MTRR: variants seen among roughly 807,000 people sequenced by gnomAD.
The protein encoded by MTRR is 5-methyltetrahydrofolate-homocysteine methyltransferase reductase.
Under a neutral mutation model 79.2 loss-of-function variants are expected in MTRR, and 63 were observed. That is an observed-to-expected ratio of 0.80 (90% CI 0.65 to 0.98). The LOEUF is 0.98. MTRR is among the 50% of genes least tolerant of loss of function. MTRR has a pLI of 0.00. For missense variants in MTRR, 895 were observed against 839.6 expected (o/e 1.07, Z -0.82); for synonymous variants, 355 against 313.3 (o/e 1.13, Z -1.41).
chr5:7,863,763 A>C (rs879837306), intron 2 of MTRR, among the ~76,000 whole-genome samples: 3 of 152,224 alleles, frequency 2.0e-5, no homozygotes, highest in Non-Finnish European at 2.9e-5. Context: ...AATAAATTCC[A>C]GGTGTACAAC....
rs151170495 is a variant in MTRR at position 7,878,185 on chromosome 5, A to C, written c.643A>C (p.Asn215His). 13 of 1,614,114 alleles carry C rather than the reference A, an allele frequency of 8.1e-6. No individual in the cohort carries two copies. The African/African-American group carries it at 1.7e-4, about 22-fold the overall frequency. Residue 215 changes from asparagine (N) to histidine (H), a missense_variant, in exon 5 of 15, where the codon AAC becomes CAC. Physicochemically the swap from Asn to His is moderately conservative, Grantham distance 68. Coordinates refer to ENST00000440940, the MANE Select transcript of MTRR (RefSeq NM_002454.3). Reference protein sequence around the residue: ...EVLKQNAVNSNQSNVVIEDFE... With the variant: ...EVLKQNAVNSHQSNVVIEDFE... ...TTTGAAGCAAAATGCAGTGAACAGC[A>C]ACCAATCCAATGTTGTAATTGAAGA...
chr5:7,871,663 T>G (rs1748025703), intron 2 of MTRR, among the ~76,000 whole-genome samples: 1 of 152,188 alleles, frequency 6.6e-6, no homozygotes, highest in Admixed American at 6.5e-5. Context: ...CTCTGGCCTT[T>G]CCTAAAACTC....
In MTRR at chr5:7,887,795, T is replaced by C. The variant is rs113778866; in HGVS notation, c.1146+1092T>C. On this transcript the variant is annotated intron_variant, in intron 8 of 14. Transcript: ENST00000440940. The stretch of plus-strand genomic sequence containing the variant: ...ATATATTTGTGTGTGTGTGTGTGCA[T>C]ATATATATATATATATATATATATA... 1.8e-3 allele frequency among the ~76,000 whole-genome samples: 31 copies of C among 17,080 alleles called. 1 individual carries two copies. Among genetic ancestry groups the C allele is most frequent in the Non-Finnish European group, 1.9e-3 (14 of 7,562 alleles). 11.2% of individuals were successfully genotyped at this position (17,080 alleles called of 152,430 possible).
intron 1 of MTRR, among the ~76,000 whole-genome samples, chr5:7,856,506 C>T (rs1011540750): frequency 4.6e-5 from 7 of 152,128 alleles, no homozygotes; most frequent in East Asian, 3.9e-4. Flanking sequence ...AAGGAACACA[C>T]GTGTACCAAT....
intron 10 of MTRR, among the ~76,000 whole-genome samples, chr5:7,892,503 CAAATA>C: frequency 6.6e-6 from 1 of 152,128 alleles, no homozygotes; most frequent in African/African-American, 2.4e-5. Context: ...CTAGTGCAAG[CAAATA>C]AAATTGGAAA....
intron 11 of MTRR, among the ~76,000 whole-genome samples, chr5:7,893,810 A>C (rs1290117493): frequency 6.6e-6 from 1 of 152,138 alleles, no homozygotes; most frequent in Non-Finnish European, 1.5e-5. Context: ...ATAAGGGATG[A>C]TTGCTGCTTG....
upstream of MTRR, chr5:7,868,845 G>A (rs971958355): frequency 1.7e-5 from 9 of 530,262 alleles, no homozygotes; most frequent in African/African-American, 9.6e-5. Context: ...CCCGCGGGGC[G>A]AGCACCCCCA....
chr5:7,870,938 A>C lies in MTRR; in HGVS notation c.129+15A>C. On this transcript the variant is annotated intron_variant, in intron 2 of 14. Coordinates refer to ENST00000440940, the MANE Select transcript of MTRR (RefSeq NM_002454.3). ...AATCCGATAAGGTTAGAGCCGTTACAGTGGATTTTACCGTTTTGTGCTTTG... is the reference window on the plus strand; with the variant it reads ...AATCCGATAAGGTTAGAGCCGTTACCGTGGATTTTACCGTTTTGTGCTTTG... The C allele has an allele frequency of 6.2e-7, 1 of 1,614,164 alleles. No homozygotes were observed. Among genetic ancestry groups the C allele is most frequent in the South Asian group, 1.1e-5 (1 of 91,078 alleles).
chr5:7,881,862 G>A (rs1437763317), intron 5 of MTRR, among the ~76,000 whole-genome samples: 1 of 152,064 alleles, frequency 6.6e-6, no homozygotes, highest in Non-Finnish European at 1.5e-5. Flanking sequence ...ATCTTGCAAG[G>A]TGATGCATTT....
chr5:7,857,438 G>A (rs960342677), intron 1 of MTRR, among the ~76,000 whole-genome samples: 3 of 152,110 alleles, frequency 2.0e-5, no homozygotes, highest in Admixed American at 6.5e-5. Context: ...CATGTACTTC[G>A]GGATTAAAAT....
chr5:7,890,206 AT>A, intron 9 of MTRR: 2 of 961,812 alleles, frequency 2.1e-6, no homozygotes, highest in Non-Finnish European at 2.5e-6. Context: ...GCCCAGTACA[AT>A]TAAAGGCACC....
chr5:7,869,090 C>T, upstream of MTRR: 1 of 1,605,306 alleles, frequency 6.2e-7, no homozygotes, highest in Non-Finnish European at 8.5e-7. Context: ...ATGTGATTGG[C>T]CCAGGTCCCC....
In MTRR at chr5:7,874,676, T is replaced by C. The variant is rs193025312; in HGVS notation, c.284-582T>C. ...CAGAAACATACCACATTGTTAATTG[T>C]GGTTATTTATATGGCTGGTGTACCT... On this transcript the variant is annotated intron_variant, in intron 3 of 14. Transcript: ENST00000440940. Among the ~76,000 whole-genome samples the C allele has an allele frequency of 7.2e-3, 1,079 of 150,766 alleles. 5 individuals carry two copies. The highest frequency in any genetic ancestry group is 0.012 in the Non-Finnish European group (808 of 67,820).
At chr5:7,852,706 C>A (rs1746111526) in intron 1 of MTRR, among the ~76,000 whole-genome samples, 1 of 151,002 alleles carries the variant, frequency 6.6e-6, no homozygotes, top group Non-Finnish European at 1.5e-5. Context: ...TACTTTTTTG[C>A]TTTTTTGGCC....
At chr5:7,883,683 T>C (rs1262930366) in intron 6 of MTRR, among the ~76,000 whole-genome samples, 1 of 152,228 alleles carries the variant, frequency 6.6e-6, no homozygotes, top group African/African-American at 2.4e-5. Context: ...CATCATTTTT[T>C]TCTCTCTTCT....
At chr5:7,869,658 C>T (rs1321063740) in intron 1 of MTRR, 1 of 212,264 alleles carries the variant, frequency 4.7e-6, no homozygotes, top group Non-Finnish European at 9.5e-6. Flanking sequence ...GCTCTGCCCA[C>T]CGCCTCCGCG....
At chr5:7,852,897 A>C (rs1746117578) in intron 1 of MTRR, among the ~76,000 whole-genome samples, 1 of 152,160 alleles carries the variant, frequency 6.6e-6, no homozygotes. Context: ...CTTGAAACCA[A>C]TTATCTTGGG....
intron 1 of MTRR, among the ~76,000 whole-genome samples, chr5:7,855,180 C>T (rs1350277984): frequency 3.3e-5 from 5 of 152,092 alleles, no homozygotes; most frequent in African/African-American, 1.2e-4. Context: ...CATACGTGGA[C>T]TTTGGATCCT....
At chr5:7,852,558 A>AC (rs1249116905) in intron 1 of MTRR, among the ~76,000 whole-genome samples, 1 of 151,924 alleles carries the variant, frequency 6.6e-6, no homozygotes, top group Non-Finnish European at 1.5e-5. Context: ...GGACCTAGCA[A>AC]CCTCATTGGA....
Sources: allele counts gnomAD v4.1 joint callset (sites outside exome capture counted in the v4.1 genomes callset), GRCh38; gene constraint gnomAD v4.1.1; transcripts MANE v1.5; gene names NCBI Gene and HGNC (gene_info 2026-07-23, HGNC 2026-07-21).